The following MACF1 variants were observed in gnomAD, a reference collection of about 807,000 sequenced individuals.
MACF1 encodes the protein microtubule-actin cross-linking factor 1.
MACF1 carries 193 observed loss-of-function variants against 854.8 expected under a neutral mutation model. That is an observed-to-expected ratio of 0.23 (90% confidence interval 0.20 to 0.25). MACF1 has a LOEUF of 0.25. Ranked by LOEUF, MACF1 falls within the 10% of genes least tolerant of loss-of-function variation. The probability of loss-of-function intolerance (pLI) is 1.00; values close to 1 mark genes in which losing one functional copy is unlikely to be tolerated. For missense variants in MACF1, 7,722 were observed against 8,929.1 expected (o/e 0.86, Z 5.45); for synonymous variants, 3,185 against 3,226.7 (o/e 0.99, Z 0.44).
intron 1 of MACF1, 82 bp downstream of exon 1, chr1:39,205,213 T>C: frequency 1.4e-6 from 1 of 692,278 alleles, no homozygotes; most frequent in Non-Finnish European, 2.6e-6. Flanking sequence ...TCTTCCCAGT[T>C]GCTTTCCTTA....
Position 39,429,843 on chromosome 1 carries a change from T to C in MACF1, c.16905T>C (p.Leu5635=). ...CTTCCATAGGTGAGGAGGTGTTACT[T>C]ATCCAGGAAAAACTAGATGGTATAA... is the stretch of plus-strand genomic sequence containing the variant. ...LKQTTGEEVL[L]IQEKLDGIKT... Residue 5635 remains leucine (L), a synonymous_variant, in exon 65 of 101, where the codon CTT becomes CTC. Coordinates refer to ENST00000564288, the MANE Select transcript of MACF1 (RefSeq NM_001394062.1). The C allele has an allele frequency of 1.9e-6, 3 of 1,614,040 alleles. No homozygotes were observed. The highest frequency in any genetic ancestry group is 2.2e-5 in the East Asian group (1 of 44,882).
At chr1:39,269,058 CT>C in intron 6 of MACF1, 1 of 1,289,628 alleles carries the variant, frequency 7.8e-7, no homozygotes, top group Non-Finnish European at 1.0e-6. Flanking sequence ...GACCGCCCAC[CT>C]TTTGTTAGAG....
Position 39,332,379 on chromosome 1 carries a change from C to G in MACF1, c.5791C>G (p.Leu1931Val), listed in dbSNP as rs755579968. ...CIPDVMPHMQ[L>V]ADSAEQNINP... ...ACCTGATGTGATGCCCCACATGCAACTAGCAGACTCTGCAGAACAAAATAT... is the reference window on the plus strand; with the variant it reads ...ACCTGATGTGATGCCCCACATGCAAGTAGCAGACTCTGCAGAACAAAATAT... The change falls in exon 37 of 101, where the codon CTA (leucine) becomes GTA (valine). Residue 1931 changes from leucine to valine, a missense_variant. Leu to Val is a conservative substitution (Grantham distance 32). This residue lies in a region of MACF1 where 1,531 missense variants were observed against 1,601.6 expected (regional missense o/e 0.96). Coordinates refer to ENST00000564288, the MANE Select transcript of MACF1 (RefSeq NM_001394062.1). 7.4e-6 allele frequency: 12 copies of G among 1,613,980 alleles called. No homozygotes were observed. The highest frequency in any genetic ancestry group is 9.3e-6 in the Non-Finnish European group (11 of 1,180,044).
At chr1:39,238,845 T>C (rs993092893) in intron 2 of MACF1, among the ~76,000 whole-genome samples, 1 of 152,230 alleles carries the variant, frequency 6.6e-6, no homozygotes, top group African/African-American at 2.4e-5. Context: ...ATCAGAGTTA[T>C]TGCTCTAAAT....
chr1:39,204,236 C>G (rs79477614), upstream of MACF1: 3,514 of 152,302 alleles, frequency 0.023, 82 homozygotes, highest in East Asian at 0.13. Context: ...ATCGTGCCTT[C>G]CAAAGTGCTG....
intron 26 of MACF1, among the ~76,000 whole-genome samples, chr1:39,312,416 G>T (rs547705104): frequency 2.4e-4 from 36 of 151,806 alleles, no homozygotes; most frequent in Middle Eastern, 3.4e-3. Flanking sequence ...TTTTTATCTT[G>T]AGAGTAAGTT....
At chr1:39,447,993 T>C in intron 82 of MACF1, 40 bp from the exon 83 acceptor site, 1 of 1,613,250 alleles carries the variant, frequency 6.2e-7, no homozygotes, top group Non-Finnish European at 8.5e-7. Context: ...GTATAGTGTG[T>C]ATATTCATTC....
chr1:39,321,246 A>C (rs3116390), intron 31 of MACF1, among the ~76,000 whole-genome samples: 146,035 of 152,262 alleles, frequency 0.96, 70,246 homozygotes, highest in Non-Finnish European at 1. Context: ...ATGCACTTAG[A>C]CTATGTTTCT....
chr1:39,232,746 G>GTTTTTTTTTTTTGTTTTTTTTTTTTT (rs1644793857), intron 2 of MACF1, among the ~76,000 whole-genome samples: 1 of 128,486 alleles, frequency 7.8e-6, no homozygotes, highest in Non-Finnish European at 1.7e-5. Context: ...TACTCTCTTT[G>GTTTTTTTTTTTTGTTTTTTTTTTTTT]TTTTTTTTTT....
At chr1:39,399,697 C>T (rs1642405496) in intron 58 of MACF1, among the ~76,000 whole-genome samples, 1 of 152,068 alleles carries the variant, frequency 6.6e-6, no homozygotes, top group Non-Finnish European at 1.5e-5. Context: ...TTTTGATCTC[C>T]CCAGCTCACT....
chr1:39,244,120 G>A (rs192161782), intron 2 of MACF1, among the ~76,000 whole-genome samples: 1 of 151,036 alleles, frequency 6.6e-6, no homozygotes, highest in Non-Finnish European at 1.5e-5. Context: ...ATTTTTTTTG[G>A]GGGGGACAGA....
At chr1:39,304,017 C>CT (rs956325667) in intron 23 of MACF1, among the ~76,000 whole-genome samples, 144 of 132,956 alleles carry the variant, frequency 1.1e-3, no homozygotes, top group South Asian at 1.5e-3. Context: ...CCATTTCTTT[C>CT]TTTTTTTTTT....
rs145006256 is a variant in MACF1 at position 39,407,939 on chromosome 1, G to T, written c.15817-14435G>T. Among the ~76,000 whole-genome samples, 1,324 of 152,294 alleles carry T rather than the reference G, an allele frequency of 8.7e-3. 12 individuals are homozygous for T. Among genetic ancestry groups the T allele is most frequent in the Middle Eastern group, 0.031 (9 of 294 alleles). ...CCCGTTCAGAGATGCAGCTGCCTCT[G>T]GTGGACAGTTTCCTGGGTTGCCCTT... On this transcript the variant is annotated intron_variant, in intron 58 of 100. Transcript: ENST00000564288.
At chr1:39,085,835 C>A (rs996962676) in intron 2 of MACF1, among the ~76,000 whole-genome samples, 1 of 152,160 alleles carries the variant, frequency 6.6e-6, no homozygotes, top group Admixed American at 6.5e-5. Flanking sequence ...AATCACCCTG[C>A]CACAGTACAC....
At chr1:39,288,577 A>T (rs1270869984) in intron 15 of MACF1, among the ~76,000 whole-genome samples, 2 of 151,450 alleles carry the variant, frequency 1.3e-5, no homozygotes. Flanking sequence ...AGGTGGGCGG[A>T]TTGTGTGAGT....
intron 2 of MACF1, among the ~76,000 whole-genome samples, chr1:39,241,305 T>G (rs1490240637): frequency 6.6e-6 from 1 of 152,180 alleles, no homozygotes; most frequent in African/African-American, 2.4e-5. Context: ...GAAATTGGGC[T>G]GCTTACGTTT....
chr1:39,448,695 G>C lies in MACF1; in HGVS notation c.20190G>C (p.Gln6730His), dbSNP rs763669349. 2 of 1,613,420 alleles carry C rather than the reference G, an allele frequency of 1.2e-6. No homozygotes were observed. The highest frequency in any genetic ancestry group is 1.7e-6 in the Non-Finnish European group (2 of 1,179,570). The part of the protein sequence containing the change: ...KEKTLLPEDS[Q>H]KLDNFLGEVR... The stretch of plus-strand genomic sequence containing the variant: ...AGACTTTGCTTCCCGAAGATAGTCA[G>C]AAACTTGACAATTTCCTAGGAGAAG... The change falls in exon 84 of 101, where the codon CAG (glutamine) becomes CAC (histidine). Residue 6730 changes from glutamine to histidine, a missense_variant. Physicochemically the swap from Gln to His is conservative, Grantham distance 24. Coordinates refer to ENST00000564288, the MANE Select transcript of MACF1 (RefSeq NM_001394062.1).
intron 2 of MACF1, among the ~76,000 whole-genome samples, chr1:39,235,513 G>GC (rs1644850436): frequency 6.6e-6 from 1 of 152,204 alleles, no homozygotes; most frequent in South Asian, 2.1e-4. Flanking sequence ...GAACCTATTT[G>GC]ATTCAGTACT....
At chr1:39,196,102 T>C (rs1281368821) in intron 2 of MACF1, among the ~76,000 whole-genome samples, 2 of 152,228 alleles carry the variant, frequency 1.3e-5, no homozygotes, top group African/African-American at 4.8e-5. Context: ...ACAGATGCTA[T>C]TATTATCATC....
Sources: gnomAD v4.1 joint callset for allele counts (sites outside exome capture counted in the v4.1 genomes callset) on GRCh38, gnomAD v4.1.1 for gene constraint, gnomAD v4.1.1 regional missense constraint, MANE v1.5 for transcripts, NCBI Gene and HGNC (gene_info 2026-07-23, HGNC 2026-07-21) for gene names.